Variants in RGS6 observed in about 807,000 individuals in gnomAD.
RGS6 encodes regulator of G protein signaling 6.
A neutral mutation model predicts 78.5 loss-of-function variants in RGS6; 30 were observed. The ratio of observed to expected loss-of-function variants is 0.38; its 90% CI spans 0.29 to 0.52. The LOEUF (loss-of-function observed/expected upper bound fraction) is 0.52. Ranked by LOEUF, RGS6 falls within the 20% of genes least tolerant of loss-of-function variation. The pLI, the probability that RGS6 is intolerant of heterozygous loss-of-function variation, is 0.85. For synonymous variants in RGS6, 206 were observed against 206.0 expected (o/e 1.00, Z 0.00); for missense variants, 495 against 609.7 (o/e 0.81, Z 1.98).
chr14:72,040,922 TA>T (rs1445067738), intron 2 of RGS6, among the ~76,000 whole-genome samples: 15 of 152,338 alleles, frequency 9.8e-5, no homozygotes, highest in Admixed American at 9.8e-4. Context: ...GGTTCTTTTT[TA>T]AAATAGTTTC....
At chr14:72,528,427 T>G (rs746664724) in intron 15 of RGS6, among the ~76,000 whole-genome samples, 1 of 152,184 alleles carries the variant, frequency 6.6e-6, no homozygotes, top group Non-Finnish European at 1.5e-5. Flanking sequence ...AGGGATATGA[T>G]GCCTCCCACT....
chr14:71,980,486 G>A (rs1242234770), intron 2 of RGS6, among the ~76,000 whole-genome samples: 1 of 125,482 alleles, frequency 8.0e-6, no homozygotes, highest in Non-Finnish European at 1.7e-5. Context: ...GCATTTGCTT[G>A]TCTGTAAAGT....
intron 17 of RGS6, among the ~76,000 whole-genome samples, chr14:72,546,304 TATA>T (rs1241849106): frequency 6.6e-6 from 1 of 152,178 alleles, no homozygotes; most frequent in East Asian, 1.9e-4. Flanking sequence ...AAAATGAAAA[TATA>T]AAAGTCTATT....
At chr14:72,185,925 C>T (rs2097237514) in intron 2 of RGS6, among the ~76,000 whole-genome samples, 1 of 152,176 alleles carries the variant, frequency 6.6e-6, no homozygotes, top group Non-Finnish European at 1.5e-5. Context: ...TGACAAAGAC[C>T]CTGTCTCAAA....
chr14:72,144,746 A>AT (rs534273802), intron 2 of RGS6, among the ~76,000 whole-genome samples: 12,807 of 138,780 alleles, frequency 0.092, 534 homozygotes, highest in Non-Finnish European at 0.11. Flanking sequence ...TTCATGATTC[A>AT]TTTTTTTTTT....
intron 2 of RGS6, among the ~76,000 whole-genome samples, chr14:72,298,748 C>G (rs1477485114): frequency 1.3e-5 from 2 of 152,066 alleles, no homozygotes; most frequent in African/African-American, 2.4e-5. Flanking sequence ...GTGCCTGGCC[C>G]TAATGTTTTT....
intron 2 of RGS6, among the ~76,000 whole-genome samples, chr14:72,055,047 G>A (rs186607889): frequency 6.6e-6 from 1 of 152,092 alleles, no homozygotes; most frequent in Non-Finnish European, 1.5e-5. Flanking sequence ...GGCATTCAGG[G>A]TGTTTCCTGT....
At chr14:72,279,926 A>G (rs938935230) in intron 2 of RGS6, among the ~76,000 whole-genome samples, 1 of 152,234 alleles carries the variant, frequency 6.6e-6, no homozygotes, top group Non-Finnish European at 1.5e-5. Flanking sequence ...TGAGAGATCA[A>G]ACAAGATTCT....
intron 3 of RGS6, among the ~76,000 whole-genome samples, chr14:72,358,513 G>A (rs375792907): frequency 6.6e-6 from 1 of 152,382 alleles, no homozygotes; most frequent in Admixed American, 6.5e-5. Context: ...TGTGAGACAT[G>A]AAGTAAAAGG....
At chr14:71,940,505 A>G (rs2090350205) in intron 1 of RGS6, among the ~76,000 whole-genome samples, 1 of 152,178 alleles carries the variant, frequency 6.6e-6, no homozygotes, top group African/African-American at 2.4e-5. Flanking sequence ...CTTCCTATCA[A>G]TTTCACTTTT....
At chr14:71,984,477 T>TAAAAAATAAAA (rs1595680663) in intron 2 of RGS6, among the ~76,000 whole-genome samples, 1 of 3,576 alleles carries the variant, frequency 2.8e-4, no homozygotes, top group Non-Finnish European at 4.9e-4. Context: ...AGACCCTGTC[T>TAAAAAATAAAA]CAAAAAGAAA....
the RGS6 span, among the ~76,000 whole-genome samples, chr14:72,618,067 T>G: frequency 1.3e-5 from 2 of 151,884 alleles, no homozygotes; most frequent in Admixed American, 1.3e-4. Flanking sequence ...CATTTTTTTT[T>G]GAAAACAAGA....
intron 3 of RGS6, chr14:72,421,743 A>G (rs1467675152): frequency 1.3e-5 from 2 of 152,170 alleles, no homozygotes; most frequent in Non-Finnish European, 2.9e-5. Flanking sequence ...TGATATGTAT[A>G]TTGTTCCTGG....
chr14:72,239,738 G>A (rs1225944196), intron 2 of RGS6, among the ~76,000 whole-genome samples: 4 of 152,214 alleles, frequency 2.6e-5, no homozygotes, highest in Non-Finnish European at 5.9e-5. Context: ...GGCTGGCTAA[G>A]CCCAGCACCC....
chr14:72,386,311 G>T (rs998908209), intron 3 of RGS6, among the ~76,000 whole-genome samples: 3 of 152,174 alleles, frequency 2.0e-5, no homozygotes, highest in Non-Finnish European at 4.4e-5. Flanking sequence ...GCTGAGGCGG[G>T]CAGACTGCCA....
intron 3 of RGS6, among the ~76,000 whole-genome samples, chr14:72,405,447 G>C (rs1171356439): frequency 6.6e-6 from 1 of 152,152 alleles, no homozygotes; most frequent in Non-Finnish European, 1.5e-5. Context: ...ACAGCAAAGA[G>C]TCAATGACTT....
chr14:72,173,669 C>T (rs1158630084), intron 2 of RGS6, among the ~76,000 whole-genome samples: 6 of 152,090 alleles, frequency 3.9e-5, no homozygotes, highest in Non-Finnish European at 8.8e-5. Context: ...TTTATCTGGG[C>T]TTTGGGGCTG....
intron 2 of RGS6, among the ~76,000 whole-genome samples, chr14:72,308,891 T>C (rs1026377777): frequency 2.0e-5 from 3 of 152,226 alleles, no homozygotes; most frequent in African/African-American, 7.2e-5. Context: ...TGAAATGATA[T>C]GAATCATCAA....
chr14:72,309,752 G>C (rs2068101224), intron 2 of RGS6, among the ~76,000 whole-genome samples: 1 of 152,240 alleles, frequency 6.6e-6, no homozygotes, highest in Admixed American at 6.5e-5. Flanking sequence ...CAGTGGAGAT[G>C]ATGGCAACAG....
Sources: gnomAD v4.1 joint callset for allele counts (sites outside exome capture counted in the v4.1 genomes callset) on GRCh38, gnomAD v4.1.1 for gene constraint, MANE v1.5 for transcripts, NCBI Gene and HGNC (gene_info 2026-07-23, HGNC 2026-07-21) for gene names.